Variants in UTRN observed in about 807,000 individuals in gnomAD.
The protein encoded by UTRN is dystrophin-related protein 1.
Under a neutral mutation model 463.9 loss-of-function variants are expected in UTRN, and 283 were observed. The ratio of observed to expected loss-of-function variants is 0.61; its 90% confidence interval spans 0.55 to 0.67. The LOEUF (loss-of-function observed/expected upper bound fraction) is 0.67. Among genes scored for constraint, UTRN ranks in the 30% least tolerant of loss-of-function variants. The pLI is 0.00. For synonymous variants in UTRN, 1,442 were observed against 1,431.5 expected, an observed-to-expected ratio of 1.01 and a Z score of -0.17; for missense variants, 3,922 against 4,084.3, an observed-to-expected ratio of 0.96 and a Z score of 1.08.
chr6:144,486,436 G>T (rs1792458524), intron 28 of UTRN, among the ~76,000 whole-genome samples: 1 of 152,204 alleles, frequency 6.6e-6, no homozygotes, highest in African/African-American at 2.4e-5. Flanking sequence ...AAAACAGTTT[G>T]TAGATTTCTT....
At chr6:144,445,694 G>C (rs912742761) in intron 14 of UTRN, among the ~76,000 whole-genome samples, 1 of 151,730 alleles carries the variant, frequency 6.6e-6, no homozygotes, top group African/African-American at 2.4e-5. Flanking sequence ...TATGTTTATT[G>C]TGAACCTTGT....
At chr6:144,510,005 G>C (rs578236016) in intron 34 of UTRN, among the ~76,000 whole-genome samples, 1 of 152,210 alleles carries the variant, frequency 6.6e-6, no homozygotes, top group South Asian at 2.1e-4. Context: ...TAGTATTTCA[G>C]TTCTGTCATA....
intron 50 of UTRN, among the ~76,000 whole-genome samples, chr6:144,570,860 G>A (rs1165807620): frequency 2.0e-5 from 3 of 152,148 alleles, no homozygotes; most frequent in Non-Finnish European, 4.4e-5. Context: ...TTAAATATCT[G>A]TCATATAAGA....
At chr6:144,343,410 A>ACACACACACACACAC (rs1562270884) in intron 2 of UTRN, among the ~76,000 whole-genome samples, 1 of 143,376 alleles carries the variant, frequency 7.0e-6, no homozygotes, top group African/African-American at 2.7e-5. Flanking sequence ...ACACACACAC[A>ACACACACACACACAC]ATAGCCGGGC....
chr6:144,530,937 C>A, intron 41 of UTRN, 115 bp from the exon 42 acceptor site: 1 of 1,180,168 alleles, frequency 8.5e-7, no homozygotes, highest in Non-Finnish European at 1.2e-6. Context: ...GCTGTGAATT[C>A]AGTTGTTTGA....
intron 23 of UTRN, among the ~76,000 whole-genome samples, chr6:144,463,802 ATATC>A (rs1287847900): frequency 3.3e-5 from 5 of 151,818 alleles, no homozygotes; most frequent in East Asian, 3.9e-4. Flanking sequence ...ATATCTCTGT[ATATC>A]TATCTATCTA....
At chr6:144,849,008 A>T (rs961378847) in intron 74 of UTRN, among the ~76,000 whole-genome samples, 2 of 151,950 alleles carry the variant, frequency 1.3e-5, no homozygotes, top group African/African-American at 2.4e-5. Flanking sequence ...ATGGGGGAGA[A>T]TGGGGAGGGG....
chr6:144,759,483 C>T (rs1359758138), intron 58 of UTRN, among the ~76,000 whole-genome samples: 1 of 152,034 alleles, frequency 6.6e-6, no homozygotes, highest in Non-Finnish European at 1.5e-5. Context: ...ATAATAACTG[C>T]TCCCAACCCC....
At chr6:144,451,281 C>G in intron 17 of UTRN, 89 bp from the exon 18 acceptor site, 2 of 1,466,432 alleles carry the variant, frequency 1.4e-6, no homozygotes, top group South Asian at 1.4e-5. Context: ...AAGACATATT[C>G]CTGATGAGCA....
chr6:144,722,319 G>A (rs891055186), intron 53 of UTRN, among the ~76,000 whole-genome samples: 6 of 145,336 alleles, frequency 4.1e-5, no homozygotes, highest in South Asian at 2.4e-4. Context: ...ACTTCCCTCC[G>A]GTTTTTTTTT....
chr6:144,789,806 CAAAAT>C (rs1305914528), intron 62 of UTRN, among the ~76,000 whole-genome samples: 2 of 151,974 alleles, frequency 1.3e-5, no homozygotes, highest in Non-Finnish European at 2.9e-5. Context: ...ACAGCTGTGA[CAAAAT>C]AAAACATGAT....
At chr6:144,459,053 C>T in intron 20 of UTRN, 42 bp downstream of exon 20, 5 of 1,572,304 alleles carry the variant, frequency 3.2e-6, no homozygotes, top group Non-Finnish European at 4.3e-6. Flanking sequence ...ATTCTATGTG[C>T]AGTTCCAGAG....
chr6:144,519,588 A>AT (rs930837694), intron 39 of UTRN, among the ~76,000 whole-genome samples: 3 of 152,102 alleles, frequency 2.0e-5, no homozygotes, highest in Admixed American at 6.6e-5. Flanking sequence ...TCTCGAGGAC[A>AT]TTTTTTTAGT....
intron 51 of UTRN, among the ~76,000 whole-genome samples, chr6:144,635,514 C>CTTTTTTTTTTTTTTTTCTTTTTTTTTTTT (rs1402815648): frequency 2.5e-5 from 2 of 80,010 alleles, no homozygotes; most frequent in Admixed American, 1.9e-4. Context: ...CTTTTTTTTT[C>CTTTTTTTTTTTTTTTTCTTTTTTTTTTTT]TTTTTTTTTT....
chr6:144,793,682 A>T, intron 62 of UTRN, 152 bp from the exon 63 acceptor site: 1 of 870,576 alleles, frequency 1.1e-6, no homozygotes, highest in Non-Finnish European at 1.7e-6. Context: ...TCAGAATATT[A>T]AGGTCATTGG....
In UTRN at chr6:144,555,865, G is replaced by T. The variant is rs76040886; in HGVS notation, c.7134+972G>T. Among the ~76,000 whole-genome samples, 1,495 of 152,296 alleles carry T rather than the reference G, an allele frequency of 9.8e-3. 9 individuals carry two copies. Among genetic ancestry groups the T allele is most frequent in the Non-Finnish European group, 0.016 (1,098 of 68,028 alleles). On this transcript the variant is annotated intron_variant, in intron 49 of 74. Transcript: ENST00000367545. ...ACCATATTACTTACTTACCCTGAAG[G>T]TTATTTTTATTAATAAGTTTTTCCA...
intron 32 of UTRN, among the ~76,000 whole-genome samples, chr6:144,492,684 GTTT>G (rs900527885): frequency 4.6e-5 from 7 of 152,104 alleles, no homozygotes; most frequent in African/African-American, 1.7e-4. Context: ...AGCATCTGTT[GTTT>G]TTTGACTTTT....
At chr6:144,373,448 A>G (rs933320276) in intron 2 of UTRN, among the ~76,000 whole-genome samples, 5 of 152,222 alleles carry the variant, frequency 3.3e-5, no homozygotes, top group African/African-American at 1.2e-4. Flanking sequence ...TTCCATTTAT[A>G]TGAAATGTCT....
rs540418020 is a variant in UTRN at position 144,419,343 on chromosome 6, G to A, written c.142-2535G>A. 5.9e-5 allele frequency among the ~76,000 whole-genome samples: 9 copies of A among 152,330 alleles called. No individual in the cohort carries two copies. In the South Asian group the frequency reaches 1.2e-3, roughly 21 times the overall value. ...TCGCTGCCTGTGAAAAAGGCAGCTG[G>A]GAACAGAAAAGCAGCTTTGTTTCAG... On this transcript the variant is annotated intron_variant, in intron 3 of 74. Transcript: ENST00000367545.
Sources: gnomAD v4.1 joint callset for allele counts (sites outside exome capture counted in the v4.1 genomes callset) on GRCh38, gnomAD v4.1.1 for gene constraint, MANE v1.5 for transcripts, NCBI Gene and HGNC (gene_info 2026-07-23, HGNC 2026-07-21) for gene names.